PDE6C: variants seen among roughly 807,000 people sequenced by gnomAD.
PDE6C encodes cone cGMP-specific 3',5'-cyclic phosphodiesterase subunit alpha'.
PDE6C carries 75 observed loss-of-function variants against 113.1 expected under a neutral mutation model. That is an observed-to-expected ratio of 0.66 (90% CI 0.55 to 0.80). PDE6C has a LOEUF of 0.80. Among genes scored for constraint, PDE6C ranks in the 30% least tolerant of loss-of-function variants. The probability of loss-of-function intolerance (pLI) is 0.00; values close to 1 mark genes in which losing one functional copy is unlikely to be tolerated. For missense variants in PDE6C, 912 were observed against 1,038.6 expected (o/e 0.88, Z 1.67); for synonymous variants, 375 against 363.7 (o/e 1.03, Z -0.35).
Position 93,612,977 on chromosome 10 carries a change from G to T in PDE6C, c.252G>T (p.Leu84=), listed in dbSNP as rs1131978. ...CAGAGCAGGGGGTTCACAGGGCCCTGCAGAGGCTGGCCCACCTGCTCCAGG... is the reference window on the plus strand; with the variant it reads ...CAGAGCAGGGGGTTCACAGGGCCCTTCAGAGGCTGGCCCACCTGCTCCAGG... ...GTPEQGVHRA[L]QRLAHLLQAD... The change falls in exon 1 of 22, where the codon CTG becomes CTT. Residue 84 remains leucine (L), a synonymous_variant. Coordinates refer to ENST00000371447, the MANE Select transcript of PDE6C (RefSeq NM_006204.4). 1.8e-3 allele frequency: 2,944 copies of T among 1,613,824 alleles called. 6 individuals carry two copies. Among genetic ancestry groups the T allele is most frequent in the Non-Finnish European group, 2.2e-3 (2,644 of 1,179,892 alleles).
intron 19 of PDE6C, 41 bp from the exon 20 acceptor site, chr10:93,662,519 A>G (rs2058670687): frequency 1.1e-6 from 1 of 949,146 alleles, no homozygotes; most frequent in Admixed American, 1.7e-5. Flanking sequence ...TTGTTCATAC[A>G]TCTTAGAAAC....
At chr10:93,631,583 C>T (rs1220008112) in intron 8 of PDE6C, among the ~76,000 whole-genome samples, 4 of 151,858 alleles carry the variant, frequency 2.6e-5, no homozygotes, top group East Asian at 1.9e-4. Context: ...CTCTCAGCAC[C>T]CCCAGCCTCC....
intron 11 of PDE6C, 65 bp from the exon 12 acceptor site, chr10:93,640,005 G>T: frequency 1.3e-6 from 2 of 1,550,982 alleles, no homozygotes. Flanking sequence ...CCCAATGTTG[G>T]CTATGGGAGT....
At position 93,626,693 on chromosome 10, in the gene PDE6C, C is replaced by A; in HGVS notation, c.993C>A (p.Ile331=). 3 of 1,605,540 alleles carry A rather than the reference C, an allele frequency of 1.9e-6. No individual in the cohort carries two copies. The highest frequency in any genetic ancestry group is 2.2e-5 in the South Asian group (2 of 90,896). ...IDYILHGKEE[I]KVIPTPPADH... ...ACATTTTACATGGAAAAGAAGAGAT[C>A]AAAGTGATTCCGTGAGTATTGGCAG... The change falls in exon 6 of 22, where the codon ATC becomes ATA. Residue 331 remains isoleucine (I), a synonymous_variant. Coordinates refer to ENST00000371447, the MANE Select transcript of PDE6C (RefSeq NM_006204.4).
intron 15 of PDE6C, among the ~76,000 whole-genome samples, chr10:93,647,482 G>C (rs965989605): frequency 6.6e-6 from 1 of 152,286 alleles, no homozygotes. Flanking sequence ...AAAACTGCTT[G>C]CGTTGTTTTA....
At chr10:93,661,361 G>A (rs1394388241) in intron 18 of PDE6C, among the ~76,000 whole-genome samples, 1 of 152,078 alleles carries the variant, frequency 6.6e-6, no homozygotes, top group Non-Finnish European at 1.5e-5. Context: ...AATTACTCTT[G>A]TTCTTCACAA....
chr10:93,627,258 C>CAA (rs57142181), intron 7 of PDE6C, among the ~76,000 whole-genome samples: 10,045 of 50,152 alleles, frequency 0.2, 1,035 homozygotes, highest in East Asian at 0.34. Context: ...TGAAACTCCA[C>CAA]AAAAAAAAAA....
At chr10:93,664,127 G>A (rs79156829) in intron 21 of PDE6C, among the ~76,000 whole-genome samples, 22 of 152,238 alleles carry the variant, frequency 1.4e-4, no homozygotes, top group East Asian at 5.8e-4. Context: ...TATAAAGCCC[G>A]GTGTTAGGCA....
chr10:93,629,268 T>TGATG lies in PDE6C; in HGVS notation c.1083_1086dup (p.Asn363AspfsTer7), dbSNP rs1403661741. On this transcript the variant is annotated frameshift_variant, in exon 8 of 22. Coordinates refer to ENST00000371447, the MANE Select transcript of PDE6C (RefSeq NM_006204.4). LOFTEE classifies it high-confidence loss of function. ...CCTCTTGCCTTCCAGATCTGTAACA[T>TGATG]GATGAATGCCCCTGCGGATGAATAC... 6.2e-7 allele frequency: 1 copy of TGATG among 1,611,438 alleles called. No homozygotes were observed. The highest frequency in any genetic ancestry group is 8.5e-7 in the Non-Finnish European group (1 of 1,177,534).
intron 1 of PDE6C, among the ~76,000 whole-genome samples, chr10:93,615,443 G>A (rs532303363): frequency 2.0e-5 from 3 of 152,092 alleles, no homozygotes; most frequent in South Asian, 4.1e-4. Flanking sequence ...GTGCGATGGC[G>A]CTATCTTGGC....
At position 93,612,732 on chromosome 10, in the gene PDE6C, G is replaced by A; in HGVS notation, c.7G>A (p.Glu3Lys). The A allele has an allele frequency of 6.2e-7, 1 of 1,613,884 alleles. No individual in the cohort carries two copies. The highest frequency in any genetic ancestry group is 8.5e-7 in the Non-Finnish European group (1 of 1,180,038). The change falls in exon 1 of 22, where the codon GAG (glutamate) becomes AAG (lysine). Residue 3 changes from glutamate to lysine, a missense_variant. Coordinates refer to ENST00000371447, the MANE Select transcript of PDE6C (RefSeq NM_006204.4). ...CAGCAAAGCAAGCCACACCATGGGT[G>A]AGATCAACCAAGTTGCCGTGGAGAA... is the stretch of plus-strand genomic sequence containing the variant. MG[E>K]INQVAVEKYL...
intron 8 of PDE6C, 66 bp downstream of exon 8, chr10:93,629,371 C>G: frequency 8.8e-7 from 1 of 1,139,228 alleles, no homozygotes; most frequent in Non-Finnish European, 1.3e-6. Context: ...GCTCTCGCCT[C>G]TCCTCCACCC....
At position 93,665,422 on chromosome 10, in the gene PDE6C, T is replaced by TATC. The variant is rs540677332; in HGVS notation, c.*5_*7dup. ...CAAAACATGTTTAATGTTGTAATAT[T>TATC]ATCTAACTGGTCTAAACTTCAAATA... On this transcript the variant is annotated 3_prime_UTR_variant, in exon 22 of 22. Coordinates refer to ENST00000371447, the MANE Select transcript of PDE6C (RefSeq NM_006204.4). The TATC allele has an allele frequency of 2.6e-6, 4 of 1,557,750 alleles. No individual in the cohort carries two copies. Among genetic ancestry groups the TATC allele is most frequent in the Non-Finnish European group, 3.5e-6 (4 of 1,128,778 alleles).
chr10:93,634,850 A>G lies in PDE6C; in HGVS notation c.1212A>G (p.Thr404=), dbSNP rs764573887. The part of the protein sequence containing the change: ...NKKEDIVGVA[T]FYNRKDGKPF... ...AAGAAGATATTGTGGGAGTGGCTAC[A>G]TTTTACAACAGGAAGGATGGAAAAC... Residue 404 remains threonine, a synonymous_variant, in exon 9 of 22, where the codon ACA becomes ACG. Coordinates refer to ENST00000371447, the MANE Select transcript of PDE6C (RefSeq NM_006204.4). 12 of 1,614,138 alleles carry G rather than the reference A, an allele frequency of 7.4e-6. No individual in the cohort carries two copies. Among genetic ancestry groups the G allele is most frequent in the African/African-American group, 2.7e-5 (2 of 75,050 alleles).
intron 7 of PDE6C, among the ~76,000 whole-genome samples, chr10:93,628,051 G>A (rs2058482287): frequency 6.6e-6 from 1 of 152,098 alleles, no homozygotes; most frequent in Non-Finnish European, 1.5e-5. Context: ...TTAAACTGTT[G>A]GCAGCTTGAA....
At chr10:93,645,142 T>A (rs184914537) in intron 14 of PDE6C, among the ~76,000 whole-genome samples, 7 of 152,110 alleles carry the variant, frequency 4.6e-5, no homozygotes, top group Admixed American at 4.6e-4. Context: ...TTACTCATTT[T>A]TTTAAAAATC....
chr10:93,633,523 TCCTTGGA>T (rs1354685157), intron 8 of PDE6C, among the ~76,000 whole-genome samples: 10 of 150,368 alleles, frequency 6.7e-5, no homozygotes, highest in Non-Finnish European at 3.0e-5. Flanking sequence ...TTACACATGG[TCCTTGGA>T]CCACACTTTG....
chr10:93,644,918 C>T (rs1309722044), intron 14 of PDE6C, among the ~76,000 whole-genome samples: 1 of 144,396 alleles, frequency 6.9e-6, no homozygotes, highest in East Asian at 2.0e-4. Context: ...TACACTATAT[C>T]GATATAGTAT....
At chr10:93,620,486 G>A in intron 1 of PDE6C, 146 bp from the exon 2 acceptor site, 1 of 791,036 alleles carries the variant, frequency 1.3e-6, no homozygotes, top group South Asian at 1.5e-5. Context: ...CAGGTGGAGT[G>A]GGATTGTTTA....
Sources: allele counts gnomAD v4.1 joint callset (sites outside exome capture counted in the v4.1 genomes callset), GRCh38; gene constraint gnomAD v4.1.1; transcripts MANE v1.5; gene names NCBI Gene and HGNC (gene_info 2026-07-23, HGNC 2026-07-21).